KIF3C: variants seen among roughly 807,000 people sequenced by gnomAD.
KIF3C encodes the protein kinesin family member 3C.
A neutral mutation model predicts 67.7 loss-of-function variants in KIF3C; 12 were observed. That is an observed-to-expected ratio of 0.18 (90% CI 0.11 to 0.29). The LOEUF is 0.29. Ranked by LOEUF, KIF3C falls within the 10% of genes least tolerant of loss-of-function variation. KIF3C has a pLI of 1.00. For synonymous variants in KIF3C, 393 were observed against 426.2 expected, an observed-to-expected ratio of 0.92 and a Z score of 0.96; for missense variants, 789 against 1,059.6, an observed-to-expected ratio of 0.74 and a Z score of 3.55.
Position 25,929,380 on chromosome 2 carries a change from T to C in KIF3C, c.2213A>G (p.His738Arg). 6.2e-7 allele frequency: 1 copy of C among 1,614,168 alleles called. No individual in the cohort carries two copies. The highest frequency in any genetic ancestry group is 1.1e-5 in the South Asian group (1 of 91,082). Residue 738 changes from histidine to arginine, a missense_variant, in exon 7 of 8, where the codon CAC becomes CGC. By Grantham distance (29) the His-to-Arg change is conservative (BLOSUM62 0). Around this residue, in one of 2 missense-constraint regions of KIF3C, gnomAD observed 648 missense variants for 807.8 expected, o/e 0.80. Transcript: ENST00000264712. ...GTCCAATCGCATGAGCCTCTCCATG[T>C]GTAGCGCACGAGGGTCTTGTTCTTG... The part of the protein sequence containing the change: ...HDQEQDPRAL[H>R]MERLMRLDSF...
intron 1 of KIF3C, among the ~76,000 whole-genome samples, chr2:25,963,846 C>T (rs972859882): frequency 1.3e-5 from 2 of 151,824 alleles, no homozygotes; most frequent in Non-Finnish European, 2.9e-5. Flanking sequence ...ATGTGTACCA[C>T]CACACCTGGC....
intron 4 of KIF3C, among the ~76,000 whole-genome samples, chr2:25,952,336 T>A (rs1663639075): frequency 6.6e-6 from 1 of 151,818 alleles, no homozygotes; most frequent in Admixed American, 6.6e-5. Context: ...TTATTTATTT[T>A]AAAAAAAGAG....
chr2:25,975,460 T>C (rs1171474109), intron 1 of KIF3C, among the ~76,000 whole-genome samples: 3 of 152,126 alleles, frequency 2.0e-5, no homozygotes, highest in Non-Finnish European at 2.9e-5. Flanking sequence ...CTCCTACTCC[T>C]ATAATTTGCC....
In KIF3C at chr2:25,958,817, G is replaced by A. The variant is rs781472331; in HGVS notation, c.1546-2373C>T. Among the ~76,000 whole-genome samples, 1 of 152,108 alleles carries A rather than the reference G, an allele frequency of 6.6e-6. No individual in the cohort carries two copies. The highest frequency in any genetic ancestry group is 1.5e-5 in the Non-Finnish European group (1 of 68,026). On this transcript the variant is annotated intron_variant, in intron 1 of 7. Transcript: ENST00000264712. The surrounding 1 kb of genome is among the most constrained non-coding windows in gnomAD (Gnocchi z 4.5). ...GGGCCCGGTGCGGTGGCTAGCGCCT[G>A]TAATCCCGGCACTTTGGGAGGCCAA... is the stretch of plus-strand genomic sequence containing the variant.
In KIF3C at chr2:25,981,632, AG is replaced by A; in HGVS notation, c.285del (p.Tyr96MetfsTer70). 6.2e-7 allele frequency: 1 copy of A among 1,614,148 alleles called. No individual in the cohort carries two copies. The highest frequency in any genetic ancestry group is 8.5e-7 in the Non-Finnish European group (1 of 1,180,026). ...GTCTTGCCAGTGCCCGTCTGGCCAT[AG>A]GCAAACACCGTGCCATTGAAACCCT... ...VLQGFNGTVF[A>X]YGQTGTGKTY... is the part of the protein sequence containing the mutation. On this transcript the variant is annotated frameshift_variant, in exon 1 of 8. Coordinates refer to ENST00000264712, the MANE Select transcript of KIF3C (RefSeq NM_002254.8). LOFTEE classifies it high-confidence loss of function. The surrounding 1 kb of genome is among the most constrained non-coding windows in gnomAD (Gnocchi z 8.2).
In KIF3C at chr2:25,930,504, A is replaced by G. The variant is rs562798464; in HGVS notation, c.2007-441T>C. On this transcript the variant is annotated intron_variant, in intron 5 of 7. Transcript: ENST00000264712. ...CTCCCGAGTAGCTGGGATTACAGGC[A>G]TGCACCACCACACCTGGCTAATTTT... Among the ~76,000 whole-genome samples the G allele has an allele frequency of 4.8e-4, 73 of 152,220 alleles. 1 individual carries two copies. Among genetic ancestry groups the G allele is most frequent in the Middle Eastern group, 6.8e-3 (2 of 294 alleles).
rs577459722 is a variant in KIF3C, at chr2:25,954,281, G to A, written c.1875C>T (p.Arg625=). ...DLEEAQNEQT[R]ELKLKYLIIE... is the part of the protein sequence containing the mutation. ...GCGGGCCCTACTTGAGCTTGAGTTC[G>A]CGGGTCTGCTCGTTCTGCGCCTCCT... The change falls in exon 4 of 8, where the codon CGC becomes CGT. Residue 625 remains arginine, a synonymous_variant. Coordinates refer to ENST00000264712, the MANE Select transcript of KIF3C (RefSeq NM_002254.8). The A allele has an allele frequency of 3.1e-6, 5 of 1,613,772 alleles. No individual in the cohort carries two copies. The highest frequency in any genetic ancestry group is 1.1e-5 in the South Asian group (1 of 91,080).
In KIF3C at chr2:25,929,936, T is replaced by G. The variant is rs1277022108; in HGVS notation, c.2115+19A>C. The G allele has an allele frequency of 6.4e-7, 1 of 1,566,940 alleles. No individual in the cohort carries two copies. Among genetic ancestry groups the G allele is most frequent in the Admixed American group, 1.7e-5 (1 of 59,912 alleles). Reference sequence around the variant, plus strand: ...CGGCCTCCCTCCCGTAGGCTCTTTCTCCCCTCTCCGCTTCTTACCCTGTAC... The same window carrying G: ...CGGCCTCCCTCCCGTAGGCTCTTTCGCCCCTCTCCGCTTCTTACCCTGTAC... On this transcript the variant is annotated intron_variant, in intron 6 of 7. Coordinates refer to ENST00000264712, the MANE Select transcript of KIF3C (RefSeq NM_002254.8).
chr2:25,953,083 A>C (rs1663668342), intron 4 of KIF3C, among the ~76,000 whole-genome samples: 1 of 151,656 alleles, frequency 6.6e-6, no homozygotes. Flanking sequence ...ACCCTGGCCA[A>C]CATGGCGAAA....
chr2:25,955,444 C>G lies in KIF3C; in HGVS notation c.1770+97G>C. The G allele has an allele frequency of 6.8e-7, 1 of 1,472,334 alleles. No individual in the cohort carries two copies. Among genetic ancestry groups the G allele is most frequent in the East Asian group, 2.3e-5 (1 of 42,984 alleles). 91.2% of individuals were successfully genotyped at this position (1,472,334 alleles called of 1,614,324 possible). On this transcript the variant is annotated intron_variant, in intron 3 of 7. Transcript: ENST00000264712. This position sits in a 1 kb window ranked among gnomAD's most constrained non-coding sequence, Gnocchi z 5.0. Reference sequence around the variant, plus strand: ...CATGTCACTCAGGGGTTCAGCAGTTCCAGCCAAATGGGGAGGAGTCCCTGA... The same window carrying G: ...CATGTCACTCAGGGGTTCAGCAGTTGCAGCCAAATGGGGAGGAGTCCCTGA...
Position 25,935,924 on chromosome 2 carries a change from C to CA in KIF3C, c.2007-5862dup, listed in dbSNP as rs761356982. On this transcript the variant is annotated intron_variant, in intron 5 of 7. Coordinates refer to ENST00000264712, the MANE Select transcript of KIF3C (RefSeq NM_002254.8). ...AACCCCATCTCTACTAAAAAAAATA[C>CA]AAAAAAAAAAAAATTAGCCAGGCAC... is the stretch of plus-strand genomic sequence containing the variant. 6.2e-3 allele frequency among the ~76,000 whole-genome samples: 848 copies of CA among 136,446 alleles called. 3 individuals carry two copies. The highest frequency in any genetic ancestry group is 8.7e-3 in the African/African-American group (323 of 37,250). The allele number at this position is 136,446 out of a possible 152,430, so 89.5% of individuals were successfully genotyped here. A position where few individuals can be genotyped will look rare whatever the true frequency, so the allele number is the denominator to read the frequency against.
intron 5 of KIF3C, among the ~76,000 whole-genome samples, chr2:25,950,835 T>C (rs1301244113): frequency 6.6e-6 from 1 of 150,518 alleles, no homozygotes; most frequent in Non-Finnish European, 1.5e-5. Flanking sequence ...TTATGTGGTA[T>C]CACCTTAAGT....
chr2:25,930,135 A>C, intron 5 of KIF3C, 72 bp from the exon 6 acceptor site: 1 of 1,228,362 alleles, frequency 8.1e-7, no homozygotes, highest in Non-Finnish European at 1.2e-6. Flanking sequence ...TGAGGACCTA[A>C]ATATCATTCA....
At position 25,954,301 on chromosome 2, in the gene KIF3C, C is replaced by T; in HGVS notation, c.1855G>A (p.Ala619Thr). 6.2e-7 allele frequency: 1 copy of T among 1,614,172 alleles called. No homozygotes were observed. The highest frequency in any genetic ancestry group is 8.5e-7 in the Non-Finnish European group (1 of 1,180,016). ...AGTTCGCGGGTCTGCTCGTTCTGCGCCTCCTCCAGGTCCTGCCGCACGCGG... is the reference window on the plus strand; with the variant it reads ...AGTTCGCGGGTCTGCTCGTTCTGCGTCTCCTCCAGGTCCTGCCGCACGCGG... ...YIRVRQDLEE[A>T]QNEQTRELKL... The change falls in exon 4 of 8, where the codon GCG (alanine) becomes ACG (threonine). Residue 619 changes from alanine (A) to threonine (T), a missense_variant. Physicochemically the swap from Ala to Thr is moderately conservative, Grantham distance 58 (BLOSUM62 0). Transcript: ENST00000264712.
rs180939486 is a variant in KIF3C, at chr2:25,953,196, G to A, written c.1889+1071C>T. Among the ~76,000 whole-genome samples the A allele has an allele frequency of 2.0e-3, 298 of 151,542 alleles. 1 individual carries two copies. Among genetic ancestry groups the A allele is most frequent in the African/African-American group, 7.0e-3 (291 of 41,360 alleles). ...AGGCAGGAGGACCGCTTGAACTTGG[G>A]AGGTGGAGGCTGCAGTGAGCCAAGA... is the stretch of plus-strand genomic sequence containing the variant. On this transcript the variant is annotated intron_variant, in intron 4 of 7. Transcript: ENST00000264712.
intron 5 of KIF3C, among the ~76,000 whole-genome samples, chr2:25,943,618 C>G (rs1163964983): frequency 6.6e-6 from 1 of 152,048 alleles, no homozygotes; most frequent in African/African-American, 2.4e-5. Flanking sequence ...CCGAGGTGGG[C>G]GGATCACCTG....
chr2:25,946,134 AAAAT>A (rs1465112520), intron 5 of KIF3C, among the ~76,000 whole-genome samples: 7 of 152,146 alleles, frequency 4.6e-5, no homozygotes, highest in Non-Finnish European at 1.0e-4. Context: ...AAAATAAAAT[AAAAT>A]AAATAAAAAT....
intron 5 of KIF3C, among the ~76,000 whole-genome samples, chr2:25,933,534 GT>G (rs2090479315): frequency 6.6e-6 from 1 of 151,946 alleles, no homozygotes; most frequent in Non-Finnish European, 1.5e-5. Flanking sequence ...AATTAGCAGG[GT>G]ATGGTAGCAC....
chr2:25,962,906 ATATATAATATATAT>A (rs1664008046), intron 1 of KIF3C, among the ~76,000 whole-genome samples: 2 of 54,216 alleles, frequency 3.7e-5, no homozygotes, highest in Non-Finnish European at 5.4e-5. Context: ...AATATATATA[ATATATAATATATAT>A]AATATATAAT....
Sources: gnomAD v4.1 joint callset for allele counts (sites outside exome capture counted in the v4.1 genomes callset) on GRCh38, gnomAD v4.1.1 for gene constraint, gnomAD v4.1.1 regional missense constraint, Gnocchi (gnomAD v3.1) non-coding constraint, MANE v1.5 for transcripts, NCBI Gene and HGNC (gene_info 2026-07-23, HGNC 2026-07-21) for gene names.